Variants in CCDC33 observed in about 807,000 individuals in gnomAD.
CCDC33 encodes coiled-coil domain-containing protein 33.
Under a neutral mutation model 91.9 loss-of-function variants are expected in CCDC33, and 94 were observed. The observed-to-expected ratio is 1.02, with a 90% CI of 0.87 to 1.21. The LOEUF (loss-of-function observed/expected upper bound fraction) is 1.21, where lower values mean the gene tolerates loss of function less well. Among genes scored for constraint, CCDC33 ranks in the 50% most tolerant of loss-of-function variants. The probability of loss-of-function intolerance (pLI) is 0.00; values close to 1 mark genes in which losing one functional copy is unlikely to be tolerated. For missense variants in CCDC33, 940 were observed against 935.5 expected (o/e 1.00, Z -0.06); for synonymous variants, 396 against 374.5 (o/e 1.06, Z -0.66).
At chr15:74,298,277 T>C in intron 11 of CCDC33, among the ~76,000 whole-genome samples, 1 of 152,034 alleles carries the variant, frequency 6.6e-6, no homozygotes, top group Non-Finnish European at 1.5e-5. Flanking sequence ...ATGATGGTGG[T>C]GGTGATGATG....
chr15:74,207,687 C>G, intron 1 of CCDC33: 1 of 1,535,508 alleles, frequency 6.5e-7, no homozygotes, highest in South Asian at 1.2e-5. Context: ...GGGATGGCCA[C>G]TGTGCCCACC....
intron 10 of CCDC33, among the ~76,000 whole-genome samples, chr15:74,285,576 AG>A (rs1184423306): frequency 6.6e-6 from 1 of 152,068 alleles, no homozygotes; most frequent in African/African-American, 2.4e-5. Context: ...CCGAGGCTGC[AG>A]GGCGACCTCA....
chr15:74,217,610 G>A, intron 1 of CCDC33: 1 of 1,193,948 alleles, frequency 8.4e-7, no homozygotes, highest in Non-Finnish European at 1.1e-6. Context: ...GTTTGGGGGA[G>A]AGAAAGACCC....
At chr15:74,210,877 G>C (rs2074357269) in intron 2 of CCDC33, among the ~76,000 whole-genome samples, 1 of 152,124 alleles carries the variant, frequency 6.6e-6, no homozygotes, top group Non-Finnish European at 1.5e-5. Flanking sequence ...CTTCTAGCTG[G>C]GTGAAAAACA....
chr15:74,242,157 G>T (rs191806679), intron 1 of CCDC33, among the ~76,000 whole-genome samples: 4 of 152,360 alleles, frequency 2.6e-5, no homozygotes, highest in African/African-American at 9.6e-5. Context: ...AGGAGCCAAG[G>T]CTCAAGGTAG....
chr15:74,273,830 A>AT (rs34131427), intron 7 of CCDC33, among the ~76,000 whole-genome samples: 34,598 of 132,150 alleles, frequency 0.26, 5,238 homozygotes, highest in East Asian at 0.42. Flanking sequence ...GCAGTCTTGA[A>AT]TTTTTTTTTT....
At chr15:74,265,590 C>T (rs984582715) in intron 3 of CCDC33, among the ~76,000 whole-genome samples, 8 of 152,138 alleles carry the variant, frequency 5.3e-5, no homozygotes, top group African/African-American at 1.2e-4. Flanking sequence ...GATACCTACC[C>T]GGGGGGTTGT....
At chr15:74,241,458 A>G (rs2075346111) in intron 1 of CCDC33, among the ~76,000 whole-genome samples, 1 of 152,130 alleles carries the variant, frequency 6.6e-6, no homozygotes, top group South Asian at 2.1e-4. Flanking sequence ...TAGGTGTGAG[A>G]AACAGCCAGG....
chr15:74,296,913 G>A (rs982663941), intron 11 of CCDC33, among the ~76,000 whole-genome samples: 2 of 152,130 alleles, frequency 1.3e-5, no homozygotes, highest in African/African-American at 2.4e-5. Context: ...CTTCCACAGC[G>A]GGTCCCATGG....
At chr15:74,215,580 A>G (rs1299163216), upstream of CCDC33, among the ~76,000 whole-genome samples, 2 of 152,224 alleles carry the variant, frequency 1.3e-5, no homozygotes, top group African/African-American at 2.4e-5. Context: ...ACACACCAAA[A>G]AAAAGTACCT....
chr15:74,333,842 C>G (rs763146071), intron 16 of CCDC33, 39 bp from the exon 17 acceptor site: 8 of 1,550,324 alleles, frequency 5.2e-6, no homozygotes, highest in Non-Finnish European at 7.1e-6. Context: ...GCCACAGCCT[C>G]CAGCTGGGGC....
chr15:74,247,277 T>C (rs914456226), intron 2 of CCDC33, among the ~76,000 whole-genome samples: 1 of 152,038 alleles, frequency 6.6e-6, no homozygotes, highest in South Asian at 2.1e-4. Context: ...CCTATATTCA[T>C]TGCAGAATTA....
intron 2 of CCDC33, among the ~76,000 whole-genome samples, chr15:74,249,669 G>A (rs191551742): frequency 4.4e-4 from 67 of 152,254 alleles, no homozygotes; most frequent in Admixed American, 2.7e-3. Context: ...TTCACCCTAT[G>A]AGGAACCGGG....
At chr15:74,262,419 C>T (rs1440540022) in intron 2 of CCDC33, 21 bp from the exon 3 acceptor site, 1 of 1,613,338 alleles carries the variant, frequency 6.2e-7, no homozygotes, top group Non-Finnish European at 8.5e-7. Flanking sequence ...CTTTGACTCA[C>T]CCTGCCCCTG....
intron 1 of CCDC33, 42 bp downstream of exon 1, chr15:74,236,782 C>T (rs767704215): frequency 1.5e-5 from 24 of 1,604,056 alleles, no homozygotes; most frequent in Non-Finnish European, 2.0e-5. Flanking sequence ...ATGAATCCGT[C>T]CCTCCTTCAA....
chr15:74,283,490 A>G (rs1237550347), intron 10 of CCDC33, among the ~76,000 whole-genome samples: 2 of 152,184 alleles, frequency 1.3e-5, no homozygotes, highest in Non-Finnish European at 2.9e-5. Flanking sequence ...GGTCTCCAGT[A>G]ATGAATTATT....
chr15:74,312,045 C>G (rs1173778673), intron 11 of CCDC33: 1 of 152,316 alleles, frequency 6.6e-6, no homozygotes, highest in East Asian at 1.9e-4. Flanking sequence ...CTAGACAGAC[C>G]TTGCTCACGT....
chr15:74,283,817 CA>C (rs1227490001), intron 10 of CCDC33, among the ~76,000 whole-genome samples: 7 of 151,950 alleles, frequency 4.6e-5, no homozygotes, highest in African/African-American at 1.7e-4. Context: ...CACACACACA[CA>C]CCCCCTCTAC....
chr15:74,305,912 G>C (rs1294233422), intron 11 of CCDC33, among the ~76,000 whole-genome samples: 3 of 151,962 alleles, frequency 2.0e-5, no homozygotes, highest in Non-Finnish European at 4.4e-5. Flanking sequence ...TCTCTTCATT[G>C]TTAAGTAGAG....
Sources: gnomAD v4.1 joint callset for allele counts (sites outside exome capture counted in the v4.1 genomes callset) on GRCh38, gnomAD v4.1.1 for gene constraint, MANE v1.5 for transcripts, NCBI Gene and HGNC (gene_info 2026-07-23, HGNC 2026-07-21) for gene names.